GCM2: variants seen among roughly 807,000 people sequenced by gnomAD.
GCM2 encodes the protein chorion-specific transcription factor GCMb.
Under a neutral mutation model 24.8 loss-of-function variants are expected in GCM2, and 21 were observed. The observed-to-expected ratio is 0.85, with a 90% CI of 0.60 to 1.22. The LOEUF (loss-of-function observed/expected upper bound fraction) is 1.22, where lower values mean the gene tolerates loss of function less well. Among genes scored for constraint, GCM2 ranks in the 50% most tolerant of loss-of-function variants. GCM2 has a pLI of 0.00. For missense variants in GCM2, 532 were observed against 645.6 expected (o/e 0.82, Z 1.91); for synonymous variants, 222 against 238.0 (o/e 0.93, Z 0.62).
chr6:10,876,256 T>C (rs1018536155), intron 3 of GCM2, among the ~76,000 whole-genome samples, 189 bp downstream of exon 3: 1 of 152,182 alleles, frequency 6.6e-6, no homozygotes, highest in Non-Finnish European at 1.5e-5. Context: ...TCTGTGTACC[T>C]TAAAGAGCAC....
chr6:10,878,303 C>T (rs917050605), intron 1 of GCM2, among the ~76,000 whole-genome samples: 3 of 152,092 alleles, frequency 2.0e-5, no homozygotes, highest in African/African-American at 2.4e-5. Flanking sequence ...TGAAAAATCA[C>T]CCTTTACTGA....
intron 1 of GCM2, among the ~76,000 whole-genome samples, chr6:10,879,409 G>A (rs1779927992): frequency 2.0e-5 from 3 of 152,194 alleles, no homozygotes; most frequent in Non-Finnish European, 4.4e-5. Context: ...TTTAAAATCA[G>A]TACAAGAATA....
Position 10,873,678 on chromosome 6 carries a change from T to C in GCM2, c.*317A>G, listed in dbSNP as rs1480536209. On this transcript the variant is annotated 3_prime_UTR_variant, in exon 5 of 5. Transcript: ENST00000379491. ...AATAAGAACCAGAATCCTTGACTTC[T>C]ACTCCTGCTAATAAGCTAAGTGAAC... is the stretch of plus-strand genomic sequence containing the variant. 9 of 384,762 alleles carry C rather than the reference T, an allele frequency of 2.3e-5. No individual in the cohort carries two copies. The highest frequency in any genetic ancestry group is 3.9e-5 in the Non-Finnish European group (8 of 202,670). 23.8% of individuals were successfully genotyped at this position (384,762 alleles called of 1,614,324 possible).
chr6:10,874,655 T>C lies in GCM2; in HGVS notation c.861A>G (p.Pro287=), dbSNP rs1460546575. The change falls in exon 5 of 5, where the codon CCA becomes CCG. Residue 287 remains proline (P), a synonymous_variant. Coordinates refer to ENST00000379491, the MANE Select transcript of GCM2 (RefSeq NM_004752.4). ...TGGAATCCTTATAAAGGGTGGGATA[T>C]GGGCTTGAATTTGTATAACCAGGGT... ...LANPGYTNSS[P]YPTLYKDSTS... 2 of 1,614,210 alleles carry C rather than the reference T, an allele frequency of 1.2e-6. No individual in the cohort carries two copies. The highest frequency in any genetic ancestry group is 1.1e-5 in the South Asian group (1 of 91,086).
intron 4 of GCM2, 127 bp downstream of exon 4, chr6:10,875,764 A>T (rs1289566784): frequency 2.2e-6 from 2 of 922,238 alleles, no homozygotes; most frequent in Non-Finnish European, 3.5e-6. Flanking sequence ...TTTGTTACAG[A>T]CGTATAATTT....
At chr6:10,877,078 A>T in intron 2 of GCM2, 62 bp downstream of exon 2, 2 of 1,589,982 alleles carry the variant, frequency 1.3e-6, no homozygotes, top group South Asian at 2.2e-5. Flanking sequence ...AACAAACAAA[A>T]ACAACAACAA....
intron 1 of GCM2, among the ~76,000 whole-genome samples, chr6:10,880,084 A>G (rs1242709388): frequency 6.6e-6 from 1 of 151,996 alleles, no homozygotes; most frequent in Non-Finnish European, 1.5e-5. Flanking sequence ...GGAGAAACCC[A>G]ATCTCTACTA....
At chr6:10,878,836 A>G (rs1406640254) in intron 1 of GCM2, among the ~76,000 whole-genome samples, 1 of 152,220 alleles carries the variant, frequency 6.6e-6, no homozygotes, top group African/African-American at 2.4e-5. Context: ...CTGGAATATA[A>G]ACAGAAGATG....
Position 10,881,984 on chromosome 6 carries a change from G to T in GCM2, c.-191C>A. 1 of 614,748 alleles carries T rather than the reference G, an allele frequency of 1.6e-6. No individual in the cohort carries two copies. The allele number at this position is 614,748 out of a possible 1,614,324, so 38.1% of individuals were successfully genotyped here. ...AGCTGGGGACAATGGTTATGGACCC[G>T]GGCGGGGCCTTGTCCTTGGCCGCGG... On this transcript the variant is annotated 5_prime_UTR_variant, in exon 1 of 5. Transcript: ENST00000379491.
chr6:10,874,650 G>C lies in GCM2; in HGVS notation c.866C>G (p.Pro289Arg), dbSNP rs1417300099. The C allele has an allele frequency of 1.9e-6, 3 of 1,614,158 alleles. No individual in the cohort carries two copies. The highest frequency in any genetic ancestry group is 2.5e-6 in the Non-Finnish European group (3 of 1,180,018). Residue 289 changes from proline (P) to arginine (R), a missense_variant, in exon 5 of 5, where the codon CCC becomes CGC. This residue lies in a region of GCM2 where 434 missense variants were observed against 521.9 expected (regional missense o/e 0.83). Coordinates refer to ENST00000379491, the MANE Select transcript of GCM2 (RefSeq NM_004752.4). ...NPGYTNSSPY[P>R]TLYKDSTSIP... ...ACTGGTGGAATCCTTATAAAGGGTG[G>C]GATATGGGCTTGAATTTGTATAACC...
intron 3 of GCM2, among the ~76,000 whole-genome samples, 168 bp downstream of exon 3, chr6:10,876,277 G>C (rs967901337): frequency 1.3e-5 from 2 of 152,200 alleles, no homozygotes; most frequent in Non-Finnish European, 2.9e-5. Flanking sequence ...AAAGTAGTGA[G>C]TGAATTTCTA....
intron 4 of GCM2, among the ~76,000 whole-genome samples, chr6:10,875,679 G>A (rs560570763): frequency 1.3e-4 from 20 of 152,294 alleles, no homozygotes; most frequent in Admixed American, 9.2e-4. Context: ...CTGTATCATT[G>A]CCTGTAGAGA....
At position 10,874,266 on chromosome 6, in the gene GCM2, G is replaced by C. The variant is rs140411555; in HGVS notation, c.1250C>G (p.Ala417Gly). Residue 417 changes from alanine (A) to glycine (G), a missense_variant, in exon 5 of 5, where the codon GCT (alanine) becomes GGT (glycine). Ala to Gly is a moderately conservative substitution (Grantham distance 60). This residue lies in a region of GCM2 where 434 missense variants were observed against 521.9 expected (regional missense o/e 0.83). Coordinates refer to ENST00000379491, the MANE Select transcript of GCM2 (RefSeq NM_004752.4). ...EVKSLSSCNY[A>G]PEDTGMSVYP... Reference sequence around the variant, plus strand: ...GACAGACATCCCAGTATCTTCAGGAGCATAGTTACAGCTCGAAAGGCTCTT... The same window carrying C: ...GACAGACATCCCAGTATCTTCAGGACCATAGTTACAGCTCGAAAGGCTCTT... 7.4e-6 allele frequency: 12 copies of C among 1,614,230 alleles called. No individual in the cohort carries two copies. The highest frequency in any genetic ancestry group is 9.3e-6 in the Non-Finnish European group (11 of 1,180,040).
chr6:10,881,951 T>A lies in GCM2; in HGVS notation c.-158A>T, dbSNP rs2113257724. On this transcript the variant is annotated 5_prime_UTR_variant, in exon 1 of 5. Coordinates refer to ENST00000379491, the MANE Select transcript of GCM2 (RefSeq NM_004752.4). ...GAGAAAGAGAGAGAGGCTGTTTAGA[T>A]ATCTGGAAGCTGGGGACAATGGTTA... 1 of 682,464 alleles carries A rather than the reference T, an allele frequency of 1.5e-6. No individual in the cohort carries two copies. Among genetic ancestry groups the A allele is most frequent in the Non-Finnish European group, 2.6e-6 (1 of 382,938 alleles). 42.3% of individuals were successfully genotyped at this position (682,464 alleles called of 1,614,324 possible).
rs1779853562 is a variant in GCM2 at position 10,874,757 on chromosome 6, G to A, written c.759C>T (p.Asp253=). ...ATCDLATFQG[D]KMPPFQKYSS... Reference sequence around the variant, plus strand: ...AGTATTTCTGGAAGGGTGGCATTTTGTCTCCTTGAAAGGTGGCTAGGTCAC... The same window carrying A: ...AGTATTTCTGGAAGGGTGGCATTTTATCTCCTTGAAAGGTGGCTAGGTCAC... Residue 253 remains aspartate, a synonymous_variant, in exon 5 of 5, where the codon GAC becomes GAT. Coordinates refer to ENST00000379491, the MANE Select transcript of GCM2 (RefSeq NM_004752.4). The A allele has an allele frequency of 6.2e-7, 1 of 1,614,084 alleles. No individual in the cohort carries two copies.
At chr6:10,875,015 T>G in intron 4 of GCM2, 82 bp from the exon 5 acceptor site, 2 of 971,752 alleles carry the variant, frequency 2.1e-6, no homozygotes, top group Non-Finnish European at 3.3e-6. Context: ...TAGAAGTAAG[T>G]AAAAACAGAC....
At chr6:10,881,551 GGTATGTGTGTGTGTGTGTGTGTGTGTGT>G (rs1779957749) in intron 1 of GCM2, among the ~76,000 whole-genome samples, 125 bp downstream of exon 1, 3 of 128,168 alleles carry the variant, frequency 2.3e-5, no homozygotes, top group East Asian at 2.3e-4. Context: ...AAATTTTGCG[GGTATGTGTGTGTGTGTGTGTGTGTGTGT>G]GTGTGTGTGT....
intron 3 of GCM2, 76 bp downstream of exon 3, chr6:10,876,369 G>T: frequency 1.0e-6 from 1 of 988,230 alleles, no homozygotes; most frequent in South Asian, 1.3e-5. Context: ...GGGTTCCCAA[G>T]GCACACGACA....
chr6:10,877,354 GTCAGGCCACTCTCGGAA>G lies in GCM2; in HGVS notation c.112_128del (p.Phe38ArgfsTer11). On this transcript the variant is annotated frameshift_variant, in exon 2 of 5. Coordinates refer to ENST00000379491, the MANE Select transcript of GCM2 (RefSeq NM_004752.4). LOFTEE classifies it high-confidence loss of function. ...TGCTGTAGATGAAGCGCACATAGCC[GTCAGGCCACTCTCGGAA>G]TTGGTCAAAGAGGGCCAGCTCCTGG... 6.2e-7 allele frequency: 1 copy of G among 1,614,138 alleles called. No individual in the cohort carries two copies. The highest frequency in any genetic ancestry group is 8.5e-7 in the Non-Finnish European group (1 of 1,180,004).
Sources: allele counts gnomAD v4.1 joint callset (sites outside exome capture counted in the v4.1 genomes callset), GRCh38; gene constraint gnomAD v4.1.1; regional missense constraint gnomAD v4.1.1; transcripts MANE v1.5; gene names NCBI Gene and HGNC (gene_info 2026-07-23, HGNC 2026-07-21).